Variants in F10 observed in about 807,000 individuals in gnomAD.
The protein encoded by F10 is Stuart-Prower factor.
In F10, 29 loss-of-function variants were observed where a neutral mutation model predicts 37.1. The ratio of observed to expected loss-of-function variants is 0.78; its 90% confidence interval spans 0.58 to 1.07. The LOEUF is 1.07. Ranked by LOEUF, F10 falls within the 50% of genes least tolerant of loss-of-function variation. F10 has a pLI of 0.00. For synonymous variants in F10, 262 were observed against 268.6 expected (o/e 0.98, Z 0.24); for missense variants, 539 against 667.9 (o/e 0.81, Z 2.13).
chr13:113,139,426 C>T lies in F10; in HGVS notation c.326C>T (p.Thr109Ile). ...GKCKDGLGEY[T>I]CTCLEGFEGK... The stretch of plus-strand genomic sequence containing the variant: ...TGTAAAGACGGCCTCGGGGAATACA[C>T]CTGCACCTGTTTAGAAGGATTCGAA... The change falls in exon 4 of 8, where the codon ACC becomes ATC. Residue 109 changes from threonine (T) to isoleucine (I), a missense_variant. By Grantham distance (89) the Thr-to-Ile change is moderately conservative. Around this residue, in one of 2 missense-constraint regions of F10, gnomAD observed 409 missense variants for 547.9 expected, o/e 0.75. Coordinates refer to ENST00000375559, the MANE Select transcript of F10 (RefSeq NM_000504.4). The surrounding 1 kb of genome is among the most constrained non-coding windows in gnomAD (Gnocchi z 5.2). The T allele has an allele frequency of 6.2e-7, 1 of 1,613,964 alleles. No individual in the cohort carries two copies. The highest frequency in any genetic ancestry group is 8.5e-7 in the Non-Finnish European group (1 of 1,179,894).
intron 2 of F10, among the ~76,000 whole-genome samples, chr13:113,135,479 C>T (rs1370756337): frequency 6.6e-6 from 1 of 152,146 alleles, no homozygotes; most frequent in Non-Finnish European, 1.5e-5. Flanking sequence ...ATGGCTGTAT[C>T]CTCACCTGAC....
At chr13:113,138,519 G>A (rs537014454) in intron 3 of F10, 38 bp downstream of exon 3, 3 of 1,304,646 alleles carry the variant, frequency 2.3e-6, no homozygotes, top group Admixed American at 1.7e-5. Context: ...AGTGAGAGGG[G>A]TTCATCAGGA....
rs1236798655 is a variant in F10 at position 113,134,024 on chromosome 13, T to C, written c.231+4412T>C. Among the ~76,000 whole-genome samples the C allele has an allele frequency of 2.0e-5, 3 of 152,314 alleles. No individual in the cohort carries two copies. The East Asian group carries it at 5.8e-4, about 29-fold the overall frequency. ...AGCAGAATATGAATAGGAGGGAATTTTATGAACATAATAAAGTTCATCTAC... is the reference window on the plus strand; with the variant it reads ...AGCAGAATATGAATAGGAGGGAATTCTATGAACATAATAAAGTTCATCTAC... On this transcript the variant is annotated intron_variant, in intron 2 of 7. Transcript: ENST00000375559.
rs560527004 is a variant in F10, at chr13:113,141,731, G to A, written c.502+681G>A. Reference sequence around the variant, plus strand: ...CACGGCCAGCACACATGAGGCCCTCGAAGGCGGGGCCTAGGCGTCACAGCT... The same window carrying A: ...CACGGCCAGCACACATGAGGCCCTCAAAGGCGGGGCCTAGGCGTCACAGCT... On this transcript the variant is annotated intron_variant, in intron 5 of 7. Coordinates refer to ENST00000375559, the MANE Select transcript of F10 (RefSeq NM_000504.4). The surrounding 1 kb of genome is among the most constrained non-coding windows in gnomAD (Gnocchi z 5.4). Among the ~76,000 whole-genome samples the A allele has an allele frequency of 1.3e-5, 2 of 152,230 alleles. No individual in the cohort carries two copies. Among genetic ancestry groups the A allele is most frequent in the Admixed American group, 6.5e-5 (1 of 15,298 alleles).
chr13:113,148,932 G>A lies in F10; in HGVS notation c.882G>A (p.Glu294=). ...CTGTCCCAGGGGACCGGAACACGGA[G>A]CAGGAGGAGGGCGGTGAGGCGGTGC... The part of the protein sequence containing the change: ...FKVRVGDRNT[E]QEEGGEAVHE... Residue 294 remains glutamate, a synonymous_variant, in exon 8 of 8, where the codon GAG becomes GAA. Transcript: ENST00000375559. 1 of 1,613,492 alleles carries A rather than the reference G, an allele frequency of 6.2e-7. No homozygotes were observed. Among genetic ancestry groups the A allele is most frequent in the South Asian group, 1.1e-5 (1 of 91,080 alleles).
At position 113,146,583 on chromosome 13, in the gene F10, C is replaced by T. The variant is rs1185222672; in HGVS notation, c.748-796C>T. Among the ~76,000 whole-genome samples, 1 of 152,214 alleles carries T rather than the reference C, an allele frequency of 6.6e-6. No homozygotes were observed. Among genetic ancestry groups the T allele is most frequent in the Non-Finnish European group, 1.5e-5 (1 of 68,040 alleles). ...GGTGTTCGTGTCTTAGAAAGCCTGA[C>T]TTTCCCTCATGTAAGCTGGATGATG... On this transcript the variant is annotated intron_variant, in intron 6 of 7. Coordinates refer to ENST00000375559, the MANE Select transcript of F10 (RefSeq NM_000504.4). The surrounding 1 kb of genome is among the most constrained non-coding windows in gnomAD (Gnocchi z 4.5).
At position 113,141,040 on chromosome 13, in the gene F10, C is replaced by A; in HGVS notation, c.492C>A (p.Cys164Ter). ...GYTLADNGKA[C>*]IPTGPYPCGK... ...CCCTGGCTGACAACGGCAAGGCCTG[C>A]ATTCCCACAGGTAGGAGGCACGTTG... Residue 164 changes from cysteine to a stop codon, truncating the protein, a stop_gained, in exon 5 of 8, where the codon TGC (cysteine) becomes TGA (stop). Transcript: ENST00000375559. LOFTEE classifies it high-confidence loss of function. The surrounding 1 kb of genome is among the most constrained non-coding windows in gnomAD (Gnocchi z 5.4). 1 of 1,613,764 alleles carries A rather than the reference C, an allele frequency of 6.2e-7. No homozygotes were observed. Among genetic ancestry groups the A allele is most frequent in the Non-Finnish European group, 8.5e-7 (1 of 1,180,010 alleles).
At chr13:113,147,594 G>T (rs960818219) in intron 7 of F10, 98 bp downstream of exon 7, 3 of 810,698 alleles carry the variant, frequency 3.7e-6, no homozygotes, top group South Asian at 2.7e-5. Context: ...GGGAACACTG[G>T]TTGAAATCCT....
chr13:113,137,951 G>A (rs934781900), intron 2 of F10, among the ~76,000 whole-genome samples: 1 of 152,152 alleles, frequency 6.6e-6, no homozygotes, highest in Non-Finnish European at 1.5e-5. Context: ...AGCAGGGAGG[G>A]CACTATTCAA....
intron 2 of F10, chr13:113,132,042 C>CG (rs1458073049): frequency 2.6e-5 from 4 of 152,274 alleles, no homozygotes; most frequent in Non-Finnish European, 5.9e-5. Context: ...GCAACATTGA[C>CG]ACGTCTATCT....
chr13:113,127,835 T>A (rs2142249797), intron 1 of F10, among the ~76,000 whole-genome samples: 1 of 152,262 alleles, frequency 6.6e-6, no homozygotes, highest in Admixed American at 6.5e-5. Context: ...AGCAGAGACC[T>A]TAAAGACGAG....
At chr13:113,129,326 A>G in intron 1 of F10, 126 bp from the exon 2 acceptor site, 1 of 1,245,656 alleles carries the variant, frequency 8.0e-7, no homozygotes, top group East Asian at 2.4e-5. Context: ...TTTTTGGTTT[A>G]CAAGAGAGTG....
chr13:113,124,412 G>A (rs756199373), intron 1 of F10, among the ~76,000 whole-genome samples: 1 of 152,260 alleles, frequency 6.6e-6, no homozygotes, highest in Non-Finnish European at 1.5e-5. Flanking sequence ...CCTTAGCTGT[G>A]TGATGCGGGC....
In F10 at chr13:113,144,627, C is replaced by T. The variant is rs2036563440; in HGVS notation, c.747+532C>T. 6.6e-6 allele frequency among the ~76,000 whole-genome samples: 1 copy of T among 152,200 alleles called. No individual in the cohort carries two copies. The highest frequency in any genetic ancestry group is 1.5e-5 in the Non-Finnish European group (1 of 68,038). Reference sequence around the variant, plus strand: ...ATTTCTAATTTTGGAATTTTTTTACCCAAACACCTAAATCCTATGGAGGTA... The same window carrying T: ...ATTTCTAATTTTGGAATTTTTTTACTCAAACACCTAAATCCTATGGAGGTA... On this transcript the variant is annotated intron_variant, in intron 6 of 7. Transcript: ENST00000375559. The surrounding 1 kb of genome is among the most constrained non-coding windows in gnomAD (Gnocchi z 6.4).
chr13:113,149,475 G>T lies in F10; in HGVS notation c.1425G>T (p.Lys475Asn). 1.2e-6 allele frequency: 2 copies of T among 1,613,340 alleles called. No individual in the cohort carries two copies. Among genetic ancestry groups the T allele is most frequent in the Middle Eastern group, 1.6e-4 (1 of 6,062 alleles). The change falls in exon 8 of 8, where the codon AAG becomes AAT. Residue 475 changes from lysine to asparagine, a missense_variant. By Grantham distance (94) the Lys-to-Asn change is moderately conservative. Transcript: ENST00000375559. This position sits in a 1 kb window ranked among gnomAD's most constrained non-coding sequence, Gnocchi z 7.5. ...AAACCAGGGGCTTGCCCAAGGCCAA[G>T]AGCCATGCCCCGGAGGTCATAACGT... ...SMKTRGLPKA[K>N]SHAPEVITSS...
Position 113,143,699 on chromosome 13 carries a change from A to AAGG in F10, c.503-152_503-151insAGG. 4 of 1,203,572 alleles carry AAGG rather than the reference A, an allele frequency of 3.3e-6. No individual in the cohort carries two copies. The highest frequency in any genetic ancestry group is 2.8e-5 in the South Asian group (2 of 71,414). 74.6% of individuals were successfully genotyped at this position (1,203,572 alleles called of 1,614,324 possible). ...CCTGCAGATCCGACCCCTGCCGACG[A>AAGG]CGTGGGGCCTCGCCCTGCAAGCCCG... On this transcript the variant is annotated intron_variant, in intron 5 of 7. Transcript: ENST00000375559. The surrounding 1 kb of genome is among the most constrained non-coding windows in gnomAD (Gnocchi z 6.8).
intron 2 of F10, among the ~76,000 whole-genome samples, chr13:113,137,065 G>A (rs1007746104): frequency 1.3e-5 from 2 of 152,188 alleles, no homozygotes; most frequent in African/African-American, 2.4e-5. Context: ...GATTATAGGC[G>A]TGAGGCACCA....
At chr13:113,142,696 T>C (rs1217591281) in intron 5 of F10, among the ~76,000 whole-genome samples, 2 of 144,676 alleles carry the variant, frequency 1.4e-5, no homozygotes, top group Non-Finnish European at 3.1e-5. Context: ...GAAGCCAAGG[T>C]GGGTGGATCA....
rs187983705 is a variant in F10 at position 113,123,874 on chromosome 13, C to T, written c.70+949C>T. ...GAGCCACATCTTCCTGTCTCCCACG[C>T]GGAACGGGACTCCCGTCTTCATGGG... On this transcript the variant is annotated intron_variant, in intron 1 of 7. Transcript: ENST00000375559. Among the ~76,000 whole-genome samples, 344 of 152,246 alleles carry T rather than the reference C, an allele frequency of 2.3e-3. 2 individuals are homozygous for T. The highest frequency in any genetic ancestry group is 7.1e-3 in the African/African-American group (296 of 41,552).
Sources: gnomAD v4.1 joint callset for allele counts (sites outside exome capture counted in the v4.1 genomes callset) on GRCh38, gnomAD v4.1.1 for gene constraint, gnomAD v4.1.1 regional missense constraint, Gnocchi (gnomAD v3.1) non-coding constraint, MANE v1.5 for transcripts, NCBI Gene and HGNC (gene_info 2026-07-23, HGNC 2026-07-21) for gene names.